SLC35F3: variants seen among roughly 807,000 people sequenced by gnomAD.
The protein encoded by SLC35F3 is solute carrier family 35 member F3, also known as putative thiamine transporter SLC35F3.
SLC35F3 carries 25 observed loss-of-function variants against 49.9 expected under a neutral mutation model. The ratio of observed to expected loss-of-function variants is 0.50; its 90% confidence interval spans 0.37 to 0.70. SLC35F3 has a LOEUF of 0.70. SLC35F3 is among the 30% of genes least tolerant of loss of function. SLC35F3 has a pLI of 0.00. For synonymous variants in SLC35F3, 275 were observed against 265.4 expected, an observed-to-expected ratio of 1.04 and a Z score of -0.35; for missense variants, 525 against 639.8, an observed-to-expected ratio of 0.82 and a Z score of 1.94.
intron 2 of SLC35F3, among the ~76,000 whole-genome samples, chr1:233,984,218 C>T (rs1433676647): frequency 6.6e-6 from 1 of 152,222 alleles, no homozygotes; most frequent in Non-Finnish European, 1.5e-5. Flanking sequence ...AATATTCCTG[C>T]ACTGCTGCCT....
In SLC35F3 at chr1:234,054,176, G is replaced by A. The variant is rs1050674011; in HGVS notation, c.283+148418G>A. On this transcript the variant is annotated intron_variant, in intron 2 of 7. Transcript: ENST00000366618. ...GGCATTCTCTGTATTTCCTGAATTTGAATGTTGGCCTGCCTTGCTAGGTTG... is the reference window on the plus strand; with the variant it reads ...GGCATTCTCTGTATTTCCTGAATTTAAATGTTGGCCTGCCTTGCTAGGTTG... Among the ~76,000 whole-genome samples the A allele has an allele frequency of 2.6e-5, 4 of 152,260 alleles. No individual in the cohort carries two copies. In the East Asian group the frequency reaches 7.7e-4, roughly 29 times the overall value.
intron 2 of SLC35F3, among the ~76,000 whole-genome samples, chr1:233,990,758 A>G (rs1047066117): frequency 1.3e-5 from 2 of 152,238 alleles, no homozygotes; most frequent in Admixed American, 1.3e-4. Flanking sequence ...AAAATGTGTC[A>G]ATTACACATC....
In SLC35F3 at chr1:234,169,486, G is replaced by A. The variant is rs76162931; in HGVS notation, c.284-61931G>A. On this transcript the variant is annotated intron_variant, in intron 2 of 7. Coordinates refer to ENST00000366618, the MANE Select transcript of SLC35F3 (RefSeq NM_173508.4). The stretch of plus-strand genomic sequence containing the variant: ...TAACATTCTGGGATTGTGTCACAAC[G>A]GGCAGCCAGAGGGGCACTGGCCTCT... Among the ~76,000 whole-genome samples the A allele has an allele frequency of 9.6e-3, 1,459 of 152,290 alleles. 27 individuals carry two copies. Among genetic ancestry groups the A allele is most frequent in the African/African-American group, 0.032 (1,348 of 41,560 alleles).
At chr1:234,305,565 A>G (rs1657146010) in intron 3 of SLC35F3, among the ~76,000 whole-genome samples, 1 of 151,888 alleles carries the variant, frequency 6.6e-6, no homozygotes, top group South Asian at 2.1e-4. Flanking sequence ...TTGTGTTTTT[A>G]GTAGAAATGG....
intron 2 of SLC35F3, among the ~76,000 whole-genome samples, chr1:233,929,481 A>G (rs1173057919): frequency 6.6e-6 from 1 of 152,146 alleles, no homozygotes; most frequent in Admixed American, 6.6e-5. Flanking sequence ...CCCGATCCTA[A>G]ATCACTGGAA....
At chr1:233,984,455 A>T (rs1663235521) in intron 2 of SLC35F3, among the ~76,000 whole-genome samples, 1 of 152,114 alleles carries the variant, frequency 6.6e-6, no homozygotes, top group Non-Finnish European at 1.5e-5. Context: ...TTTTAACGGG[A>T]TGGGTAAGTT....
At chr1:234,153,787 G>T (rs551362988) in intron 2 of SLC35F3, among the ~76,000 whole-genome samples, 2 of 152,136 alleles carry the variant, frequency 1.3e-5, no homozygotes, top group Non-Finnish European at 2.9e-5. Flanking sequence ...AACTAGCTGG[G>T]TGGGGGCCGG....
At chr1:233,975,447 C>T (rs1424615091) in intron 2 of SLC35F3, among the ~76,000 whole-genome samples, 1 of 152,254 alleles carries the variant, frequency 6.6e-6, no homozygotes, top group Non-Finnish European at 1.5e-5. Flanking sequence ...CTGAAATAAC[C>T]TGTGTCAATC....
intron 2 of SLC35F3, among the ~76,000 whole-genome samples, chr1:234,120,027 G>A (rs1223798214): frequency 1.3e-5 from 2 of 152,174 alleles, no homozygotes; most frequent in Non-Finnish European, 2.9e-5. Flanking sequence ...GGTGCATGGG[G>A]AGCTGGAGGT....
At position 233,904,878 on chromosome 1, in the gene SLC35F3, T is replaced by C; in HGVS notation, c.-200T>C. 1 of 362,618 alleles carries C rather than the reference T, an allele frequency of 2.8e-6. No individual in the cohort carries two copies. The highest frequency in any genetic ancestry group is 4.8e-6 in the Non-Finnish European group (1 of 210,184). 22.5% of individuals were successfully genotyped at this position (362,618 alleles called of 1,614,324 possible). On this transcript the variant is annotated 5_prime_UTR_variant, in exon 1 of 8. Coordinates refer to ENST00000366618, the MANE Select transcript of SLC35F3 (RefSeq NM_173508.4). ...AGTCACCGGGCTGAACCGCCGCGCC[T>C]GCATCGTGCCGCACGCCGCGGAGGC...
intron 2 of SLC35F3, among the ~76,000 whole-genome samples, chr1:234,184,900 G>C (rs767400874): frequency 6.6e-6 from 1 of 150,800 alleles, no homozygotes; most frequent in African/African-American, 2.5e-5. Flanking sequence ...CAGAATCTCA[G>C]GGCCTGCCCC....
intron 2 of SLC35F3, among the ~76,000 whole-genome samples, chr1:233,982,289 T>A (rs1464660595): frequency 6.6e-6 from 1 of 152,248 alleles, no homozygotes; most frequent in African/African-American, 2.4e-5. Context: ...TGAACTGTAC[T>A]ATCAGTCCAC....
At chr1:234,035,833 C>T (rs184772816) in intron 2 of SLC35F3, among the ~76,000 whole-genome samples, 2 of 152,318 alleles carry the variant, frequency 1.3e-5, no homozygotes, top group African/African-American at 2.4e-5. Flanking sequence ...TCTCTTTGAA[C>T]ACATAACAGA....
intron 2 of SLC35F3, among the ~76,000 whole-genome samples, chr1:234,021,386 A>G (rs1663894076): frequency 6.6e-6 from 1 of 152,144 alleles, no homozygotes; most frequent in South Asian, 2.1e-4. Context: ...ACCCCAATCA[A>G]TGTCATATCA....
At chr1:234,041,931 A>T (rs1664227574) in intron 2 of SLC35F3, among the ~76,000 whole-genome samples, 1 of 152,150 alleles carries the variant, frequency 6.6e-6, no homozygotes, top group African/African-American at 2.4e-5. Context: ...GTCCTGGGTG[A>T]TGCCTTCTGA....
chr1:234,059,772 A>G (rs1032920179), intron 2 of SLC35F3, among the ~76,000 whole-genome samples: 1 of 152,240 alleles, frequency 6.6e-6, no homozygotes, highest in Admixed American at 6.5e-5. Flanking sequence ...AAGGACAGCC[A>G]GTCCGAGTCC....
chr1:233,921,850 G>T (rs1344186003), intron 2 of SLC35F3, among the ~76,000 whole-genome samples: 3 of 131,024 alleles, frequency 2.3e-5, no homozygotes, highest in East Asian at 2.4e-4. Flanking sequence ...CAGTGTACAA[G>T]TGTCCATTGT....
chr1:234,132,235 T>C (rs1665747421), intron 2 of SLC35F3, among the ~76,000 whole-genome samples: 2 of 152,222 alleles, frequency 1.3e-5, no homozygotes, highest in Admixed American at 1.3e-4. Context: ...CCTCATATTA[T>C]ATAACATCCT....
chr1:234,246,156 C>T (rs528533051), intron 3 of SLC35F3, among the ~76,000 whole-genome samples: 1 of 152,282 alleles, frequency 6.6e-6, no homozygotes, highest in Admixed American at 6.5e-5. Context: ...AGATGTGTTA[C>T]TGGGCTAGGA....
Sources: allele counts gnomAD v4.1 joint callset (sites outside exome capture counted in the v4.1 genomes callset), GRCh38; gene constraint gnomAD v4.1.1; transcripts MANE v1.5; gene names NCBI Gene and HGNC (gene_info 2026-07-23, HGNC 2026-07-21).